Variants in PRKG1 observed in about 807,000 individuals in gnomAD.
PRKG1 encodes the protein protein kinase cGMP-dependent 1.
Under a neutral mutation model 88.1 loss-of-function variants are expected in PRKG1, and 35 were observed. The observed-to-expected ratio is 0.40, with a 90% CI of 0.30 to 0.53. The LOEUF is 0.53. PRKG1 is among the 20% of genes least tolerant of loss of function. The probability of loss-of-function intolerance (pLI) is 0.59; values close to 1 mark genes in which losing one functional copy is unlikely to be tolerated. For missense variants in PRKG1, 540 were observed against 839.8 expected (o/e 0.64, Z 4.41); for synonymous variants, 303 against 292.5 (o/e 1.04, Z -0.37).
At chr10:51,780,013 CT>C (rs1331161639) in intron 3 of PRKG1, among the ~76,000 whole-genome samples, 3 of 152,068 alleles carry the variant, frequency 2.0e-5, no homozygotes, top group Non-Finnish European at 4.4e-5. Flanking sequence ...TTGATGTCTC[CT>C]CTGTTTGATG....
chr10:51,343,411 A>G (rs1842045117), intron 2 of PRKG1, among the ~76,000 whole-genome samples: 1 of 152,186 alleles, frequency 6.6e-6, no homozygotes, highest in Non-Finnish European at 1.5e-5. Context: ...CTCTGGACAC[A>G]GTTGGCATTC....
intron 3 of PRKG1, among the ~76,000 whole-genome samples, chr10:51,733,235 A>G (rs1408622155): frequency 6.6e-6 from 1 of 152,124 alleles, no homozygotes; most frequent in Non-Finnish European, 1.5e-5. Context: ...AGGGGGAAAC[A>G]CACATAGCAG....
At chr10:52,131,152 A>G (rs1183814947) in intron 7 of PRKG1, among the ~76,000 whole-genome samples, 3 of 152,148 alleles carry the variant, frequency 2.0e-5, no homozygotes, top group Non-Finnish European at 2.9e-5. Context: ...GTTCAGAAGT[A>G]TGATGGATGT....
At chr10:51,078,349 G>T (rs960177086) in intron 1 of PRKG1, among the ~76,000 whole-genome samples, 1 of 150,704 alleles carries the variant, frequency 6.6e-6, no homozygotes, top group African/African-American at 2.4e-5. Context: ...CTCCTGAGTG[G>T]CTGGGATTAC....
At chr10:51,816,018 G>T (rs1329766838) in intron 4 of PRKG1, among the ~76,000 whole-genome samples, 1 of 152,128 alleles carries the variant, frequency 6.6e-6, no homozygotes. Context: ...GAATAAGCTG[G>T]CACCTGCCTC....
chr10:52,213,318 CTGTT>C (rs1840030705), intron 9 of PRKG1, among the ~76,000 whole-genome samples: 1 of 152,150 alleles, frequency 6.6e-6, no homozygotes, highest in South Asian at 2.1e-4. Context: ...TCACCTGAAT[CTGTT>C]TGGTAAAAAA....
chr10:51,923,972 T>C (rs181979790), intron 5 of PRKG1, among the ~76,000 whole-genome samples: 1 of 151,926 alleles, frequency 6.6e-6, no homozygotes, highest in East Asian at 1.9e-4. Context: ...GGACCACAGG[T>C]GTGCACCATC....
rs143275359 is a variant in PRKG1 at position 51,439,131 on chromosome 10, T to C, written c.479-28592T>C. On this transcript the variant is annotated intron_variant, in intron 2 of 17. Transcript: ENST00000373980. ...TTGCAGAGAATGTTTCGCCCCCCCT[T>C]ACGAACATGTCATGACTTTGACCTT... 6.8e-3 allele frequency among the ~76,000 whole-genome samples: 1,040 copies of C among 151,870 alleles called. 10 individuals are homozygous for C. Among genetic ancestry groups the C allele is most frequent in the African/African-American group, 0.024 (995 of 41,474 alleles).
At chr10:51,541,092 T>C (rs1242845432) in intron 3 of PRKG1, among the ~76,000 whole-genome samples, 1 of 152,104 alleles carries the variant, frequency 6.6e-6, no homozygotes, top group Non-Finnish European at 1.5e-5. Flanking sequence ...AGGGACCAGT[T>C]TCATGGAAGA....
intron 9 of PRKG1, among the ~76,000 whole-genome samples, chr10:52,178,432 G>A (rs1177528016): frequency 6.6e-6 from 1 of 152,018 alleles, no homozygotes. Flanking sequence ...CTATCCTGGG[G>A]AATGTTCCAT....
intron 3 of PRKG1, among the ~76,000 whole-genome samples, chr10:51,534,029 G>T (rs1293040241): frequency 6.6e-6 from 1 of 152,152 alleles, no homozygotes; most frequent in East Asian, 1.9e-4. Flanking sequence ...ATAATCCAAA[G>T]TTGGGTAAAA....
chr10:51,551,716 T>C (rs917127095), intron 3 of PRKG1, among the ~76,000 whole-genome samples: 1 of 151,782 alleles, frequency 6.6e-6, no homozygotes, highest in Admixed American at 6.6e-5. Context: ...TCCTCTATCA[T>C]TGAAAAACTA....
intron 1 of PRKG1, among the ~76,000 whole-genome samples, chr10:51,126,400 A>G (rs12098577): frequency 7.3e-4 from 99 of 136,190 alleles, no homozygotes; most frequent in African/African-American, 2.6e-3. Flanking sequence ...ATAATTATTT[A>G]TATATTTATA....
In PRKG1 at chr10:50,991,546, C is replaced by G. The variant is rs746586027; in HGVS notation, c.168C>G (p.Pro56=). ...CAGTGCCCTCGACCCACATCGGCCC[C>G]CGGACCACCCGGGCGCAGGGCATCT... Residue 56 remains proline, a synonymous_variant, in exon 1 of 18, where the codon CCC becomes CCG. Coordinates refer to the PRKG1 transcript ENST00000401604. This position sits in a 1 kb window ranked among gnomAD's most constrained non-coding sequence, Gnocchi z 4.5. 4 of 1,609,518 alleles carry G rather than the reference C, an allele frequency of 2.5e-6. No homozygotes were observed. The highest frequency in any genetic ancestry group is 1.1e-5 in the South Asian group (1 of 90,122).
chr10:51,969,604 CAA>C (rs1187456628), intron 5 of PRKG1, among the ~76,000 whole-genome samples: 3 of 152,040 alleles, frequency 2.0e-5, no homozygotes, highest in African/African-American at 7.2e-5. Flanking sequence ...CAAAAAGTCT[CAA>C]AGTGTTATAT....
At chr10:51,032,836 T>A (rs1252812066) in intron 1 of PRKG1, among the ~76,000 whole-genome samples, 3 of 151,750 alleles carry the variant, frequency 2.0e-5, no homozygotes, top group Admixed American at 6.6e-5. Flanking sequence ...CTTATTGAAA[T>A]TTTTTTTAAT....
chr10:51,123,477 G>A (rs1193580429), intron 1 of PRKG1, among the ~76,000 whole-genome samples: 1 of 152,078 alleles, frequency 6.6e-6, no homozygotes, highest in East Asian at 1.9e-4. Context: ...CCTGAGGTCA[G>A]GAGTTCGAAA....
At chr10:51,853,626 A>G (rs1840610963) in intron 4 of PRKG1, among the ~76,000 whole-genome samples, 1 of 152,186 alleles carries the variant, frequency 6.6e-6, no homozygotes, top group Non-Finnish European at 1.5e-5. Flanking sequence ...TAGTAGCTTA[A>G]GTATGTTTGC....
intron 9 of PRKG1, among the ~76,000 whole-genome samples, chr10:52,192,968 GA>G (rs999199784): frequency 6.6e-6 from 1 of 151,908 alleles, no homozygotes; most frequent in African/African-American, 2.4e-5. Context: ...TCTTTGTTAA[GA>G]CCTTAATTTC....
Sources: allele counts gnomAD v4.1 joint callset (sites outside exome capture counted in the v4.1 genomes callset), GRCh38; gene constraint gnomAD v4.1.1; non-coding constraint Gnocchi (gnomAD v3.1); transcripts MANE v1.5; gene names NCBI Gene and HGNC (gene_info 2026-07-23, HGNC 2026-07-21).